The following DLG2 variants were observed in gnomAD, a reference collection of about 807,000 sequenced individuals.
The protein encoded by DLG2 is discs large MAGUK scaffold protein 2.
Under a neutral mutation model 132.5 loss-of-function variants are expected in DLG2, and 45 were observed. That is an observed-to-expected ratio of 0.34 (90% confidence interval 0.27 to 0.44). The LOEUF (loss-of-function observed/expected upper bound fraction) is 0.44. Ranked by LOEUF, DLG2 falls within the 20% of genes least tolerant of loss-of-function variation. The probability of loss-of-function intolerance (pLI) is 1.00; values close to 1 mark genes in which losing one functional copy is unlikely to be tolerated. For missense variants in DLG2, 1,045 were observed against 1,196.9 expected, an observed-to-expected ratio of 0.87 and a Z score of 1.87; for synonymous variants, 424 against 419.6, an observed-to-expected ratio of 1.01 and a Z score of -0.13.
At chr11:84,056,231 A>G (rs1594243054) in intron 11 of DLG2, among the ~76,000 whole-genome samples, 1 of 151,944 alleles carries the variant, frequency 6.6e-6, no homozygotes, top group East Asian at 1.9e-4. Context: ...CCTTCCCCAC[A>G]ACCCCGGAAC....
chr11:84,916,138 G>A (rs569604884), intron 6 of DLG2, among the ~76,000 whole-genome samples: 3 of 151,874 alleles, frequency 2.0e-5, no homozygotes, highest in East Asian at 3.9e-4. Context: ...GAGGTCAGGA[G>A]ATCGAGACCA....
chr11:83,732,399 G>A (rs1383121896), intron 18 of DLG2, among the ~76,000 whole-genome samples: 15 of 152,082 alleles, frequency 9.9e-5, no homozygotes, highest in Admixed American at 9.8e-4. Flanking sequence ...TACCTACCAA[G>A]GTAGCTATTA....
intron 6 of DLG2, among the ~76,000 whole-genome samples, chr11:84,931,391 C>G (rs2048069106): frequency 6.6e-6 from 1 of 152,076 alleles, no homozygotes; most frequent in South Asian, 2.1e-4. Context: ...TCATCTAGCT[C>G]CCACTTGTAA....
At chr11:83,972,201 G>T (rs71465571) in intron 12 of DLG2, among the ~76,000 whole-genome samples, 6,615 of 152,084 alleles carry the variant, frequency 0.043, 201 homozygotes, top group Non-Finnish European at 0.067. Flanking sequence ...CTTGATACAG[G>T]GAGAATAATT....
chr11:85,451,549 T>C (rs1335656708), intron 3 of DLG2, among the ~76,000 whole-genome samples: 2 of 152,228 alleles, frequency 1.3e-5, no homozygotes, highest in African/African-American at 2.4e-5. Context: ...TTTGTTTATA[T>C]ATGTAACTTC....
chr11:84,765,763 T>C (rs907787102), intron 6 of DLG2, among the ~76,000 whole-genome samples: 6 of 152,080 alleles, frequency 3.9e-5, no homozygotes, highest in African/African-American at 1.4e-4. Flanking sequence ...AATAAGGTGT[T>C]CAGCATTCTA....
At position 83,785,855 on chromosome 11, in the gene DLG2, C is replaced by G. The variant is rs146986324; in HGVS notation, c.1825+835G>C. ...TACTCTCATGTTCAGCTGTTTAATA[C>G]TCCTCTTTGCTAGCCATATGGACCA... is the stretch of plus-strand genomic sequence containing the variant. On this transcript the variant is annotated intron_variant, in intron 18 of 27. Coordinates refer to ENST00000376104, the MANE Select transcript of DLG2 (RefSeq NM_001142699.3). Among the ~76,000 whole-genome samples the G allele has an allele frequency of 1.7e-3, 257 of 152,316 alleles. 3 individuals carry two copies. Among genetic ancestry groups the G allele is most frequent in the East Asian group, 3.3e-3 (17 of 5,184 alleles).
intron 3 of DLG2, among the ~76,000 whole-genome samples, chr11:85,288,075 A>G (rs1285558161): frequency 6.6e-6 from 1 of 152,114 alleles, no homozygotes; most frequent in Non-Finnish European, 1.5e-5. Flanking sequence ...GTTAATGGTA[A>G]GGATCTATTT....
chr11:84,493,329 C>G (rs774860805), intron 7 of DLG2, among the ~76,000 whole-genome samples: 1 of 152,056 alleles, frequency 6.6e-6, no homozygotes, highest in African/African-American at 2.4e-5. Flanking sequence ...CTAAGCAGAA[C>G]AAAGACAATG....
chr11:85,069,233 T>C (rs928753926), intron 6 of DLG2, among the ~76,000 whole-genome samples: 1 of 152,072 alleles, frequency 6.6e-6, no homozygotes, highest in Non-Finnish European at 1.5e-5. Flanking sequence ...ATTCAGGACA[T>C]AGGCATGGGC....
intron 7 of DLG2, among the ~76,000 whole-genome samples, chr11:84,450,151 C>A (rs2099047458): frequency 6.6e-6 from 1 of 151,762 alleles, no homozygotes; most frequent in Non-Finnish European, 1.5e-5. Flanking sequence ...AGGAATTAAG[C>A]TTTGAATCCT....
intron 4 of DLG2, among the ~76,000 whole-genome samples, chr11:85,245,666 G>A (rs2076097482): frequency 6.6e-6 from 1 of 151,886 alleles, no homozygotes; most frequent in African/African-American, 2.4e-5. Flanking sequence ...TCAACTTCTT[G>A]TAATGAATTT....
chr11:84,748,719 A>T (rs2065717232), intron 6 of DLG2, among the ~76,000 whole-genome samples: 1 of 152,184 alleles, frequency 6.6e-6, no homozygotes, highest in South Asian at 2.1e-4. Context: ...CGGACTGTAA[A>T]TTAAGTCATC....
intron 6 of DLG2, among the ~76,000 whole-genome samples, chr11:84,607,337 C>T (rs1477066604): frequency 6.6e-6 from 1 of 152,262 alleles, no homozygotes; most frequent in East Asian, 1.9e-4. Flanking sequence ...GCTCCAAAGT[C>T]CTTTCTTCTA....
intron 6 of DLG2, among the ~76,000 whole-genome samples, chr11:84,873,552 A>G (rs2085835947): frequency 6.6e-6 from 1 of 152,242 alleles, no homozygotes. Flanking sequence ...TAAGCATGTA[A>G]GTAAGTAAGC....
chr11:84,963,035 T>C (rs968662966), intron 6 of DLG2, among the ~76,000 whole-genome samples: 1 of 152,208 alleles, frequency 6.6e-6, no homozygotes, highest in Non-Finnish European at 1.5e-5. Flanking sequence ...TAAATTGCAG[T>C]GGCTCCCATA....
chr11:85,508,612 T>A (rs1481638003), intron 3 of DLG2, among the ~76,000 whole-genome samples: 1 of 152,072 alleles, frequency 6.6e-6, no homozygotes. Context: ...TGTTAACTGA[T>A]ATATCTCTAG....
intron 4 of DLG2, among the ~76,000 whole-genome samples, chr11:85,160,749 A>G (rs544189555): frequency 4.6e-5 from 7 of 152,236 alleles, no homozygotes; most frequent in East Asian, 1.9e-4. Context: ...GCCTGCACCA[A>G]TGGCCTCATG....
At chr11:84,563,084 T>C (rs578104496) in intron 6 of DLG2, among the ~76,000 whole-genome samples, 26 of 152,320 alleles carry the variant, frequency 1.7e-4, no homozygotes, top group Middle Eastern at 6.8e-3. Context: ...TTGAGTAACG[T>C]TTCTACTAAA....
Sources: gnomAD v4.1 joint callset for allele counts (sites outside exome capture counted in the v4.1 genomes callset) on GRCh38, gnomAD v4.1.1 for gene constraint, MANE v1.5 for transcripts, NCBI Gene and HGNC (gene_info 2026-07-23, HGNC 2026-07-21) for gene names.